The following ARFGEF3 variants were observed in gnomAD, a reference collection of about 807,000 sequenced individuals.
ARFGEF3 encodes brefeldin A-inhibited guanine nucleotide-exchange protein 3.
In ARFGEF3, 96 loss-of-function variants were observed where a neutral mutation model predicts 221.7. The observed-to-expected ratio is 0.43, with a 90% confidence interval of 0.37 to 0.51. The LOEUF is 0.51. Ranked by LOEUF, ARFGEF3 falls within the 20% of genes least tolerant of loss-of-function variation. ARFGEF3 has a pLI of 0.00. For missense variants in ARFGEF3, 2,410 were observed against 2,789.9 expected, an observed-to-expected ratio of 0.86 and a Z score of 3.07; for synonymous variants, 1,145 against 1,126.8, an observed-to-expected ratio of 1.02 and a Z score of -0.32.
intron 6 of ARFGEF3, among the ~76,000 whole-genome samples, chr6:138,242,519 GTC>G (rs1289220154): frequency 6.6e-6 from 1 of 152,166 alleles, no homozygotes; most frequent in Non-Finnish European, 1.5e-5. Flanking sequence ...ATGGCCAAGA[GTC>G]TGTGTTTATT....
chr6:138,206,343 CT>C (rs542624433), intron 2 of ARFGEF3, among the ~76,000 whole-genome samples: 5,082 of 134,922 alleles, frequency 0.038, 171 homozygotes, highest in African/African-American at 0.12. Context: ...AATATCTCTC[CT>C]TTTTTTTTTT....
At chr6:138,187,838 A>G (rs1262891920) in intron 2 of ARFGEF3, among the ~76,000 whole-genome samples, 1 of 152,192 alleles carries the variant, frequency 6.6e-6, no homozygotes, top group East Asian at 1.9e-4. Flanking sequence ...CCTACTAAAA[A>G]GGCATCGGGT....
intron 8 of ARFGEF3, among the ~76,000 whole-genome samples, chr6:138,249,643 G>A (rs1158392838): frequency 6.6e-6 from 1 of 152,196 alleles, no homozygotes; most frequent in Non-Finnish European, 1.5e-5. Context: ...TTTAAATGGA[G>A]AAAAGAATTC....
chr6:138,300,965 G>A (rs1032003043), intron 22 of ARFGEF3, among the ~76,000 whole-genome samples: 2 of 152,090 alleles, frequency 1.3e-5, no homozygotes, highest in African/African-American at 2.4e-5. Context: ...CAGGTGCAAC[G>A]TTTGCATTCA....
intron 11 of ARFGEF3, among the ~76,000 whole-genome samples, chr6:138,262,274 C>T (rs1230023584): frequency 6.6e-6 from 1 of 150,714 alleles, no homozygotes; most frequent in Non-Finnish European, 1.5e-5. Context: ...ACTGCAACCT[C>T]TGCCTTCCAG....
chr6:138,323,948 A>G, intron 30 of ARFGEF3, 75 bp from the exon 31 acceptor site: 1 of 1,580,536 alleles, frequency 6.3e-7, no homozygotes. Context: ...AGACACAGTG[A>G]CGATCTCAGA....
At chr6:138,317,900 G>A (rs1487819878) in intron 27 of ARFGEF3, among the ~76,000 whole-genome samples, 1 of 152,128 alleles carries the variant, frequency 6.6e-6, no homozygotes, top group Non-Finnish European at 1.5e-5. Context: ...CTAGTACAAG[G>A]ACCCTGAGAG....
chr6:138,249,475 A>G (rs1778542052), intron 8 of ARFGEF3, among the ~76,000 whole-genome samples: 1 of 152,112 alleles, frequency 6.6e-6, no homozygotes, highest in Non-Finnish European at 1.5e-5. Flanking sequence ...GACTACAGGC[A>G]TGCGCCACCA....
In ARFGEF3 at chr6:138,263,423, GC is replaced by G. The variant is rs747424676; in HGVS notation, c.1942del (p.Leu648Ter). 1 of 1,613,866 alleles carries G rather than the reference GC, an allele frequency of 6.2e-7. No individual in the cohort carries two copies. The highest frequency in any genetic ancestry group is 1.3e-5 in the African/African-American group (1 of 74,930). On this transcript the variant is annotated frameshift_variant, in exon 12 of 34. Transcript: ENST00000251691. LOFTEE classifies it high-confidence loss of function. Reference sequence around the variant, plus strand: ...GATGAAGAGCAGACACCCCGGGACTGCCTAGGCCACCGGTCCCTGCGAACTG... The same window carrying G: ...GATGAAGAGCAGACACCCCGGGACTGCTAGGCCACCGGTCCCTGCGAACTG... ...LADEEQTPRD[C>X]LGHRSLRTAA... is the part of the protein sequence containing the mutation.
At chr6:138,200,360 T>G (rs929758118) in intron 2 of ARFGEF3, among the ~76,000 whole-genome samples, 1 of 152,122 alleles carries the variant, frequency 6.6e-6, no homozygotes, top group African/African-American at 2.4e-5. Flanking sequence ...AGAGCCCGCA[T>G]AGCCAAAGCA....
At chr6:138,259,435 C>T (rs979565966) in intron 10 of ARFGEF3, among the ~76,000 whole-genome samples, 2 of 152,176 alleles carry the variant, frequency 1.3e-5, no homozygotes, top group Non-Finnish European at 2.9e-5. Context: ...GCTTCCTTTT[C>T]TCTCCTATGG....
chr6:138,200,963 TCAAA>T (rs1415429252), intron 2 of ARFGEF3, among the ~76,000 whole-genome samples: 1 of 151,882 alleles, frequency 6.6e-6, no homozygotes, highest in African/African-American at 2.4e-5. Flanking sequence ...TACAATGAAC[TCAAA>T]CAAATCAGTA....
intron 26 of ARFGEF3, among the ~76,000 whole-genome samples, chr6:138,316,539 A>C (rs576218195): frequency 6.6e-6 from 1 of 151,818 alleles, no homozygotes; most frequent in Non-Finnish European, 1.5e-5. Context: ...ATCTTGGATC[A>C]TGTATATCTT....
chr6:138,176,463 G>A (rs549917898), intron 2 of ARFGEF3, among the ~76,000 whole-genome samples: 36 of 152,326 alleles, frequency 2.4e-4, no homozygotes, highest in Non-Finnish European at 4.7e-4. Context: ...TTACAGGCCT[G>A]AGCCACTGCA....
At chr6:138,307,609 A>G (rs184158750) in intron 23 of ARFGEF3, among the ~76,000 whole-genome samples, 6 of 152,220 alleles carry the variant, frequency 3.9e-5, no homozygotes, top group African/African-American at 7.2e-5. Flanking sequence ...CTTGCTGACA[A>G]TTGGACAATA....
chr6:138,163,919 T>C (rs1263081114), intron 1 of ARFGEF3, among the ~76,000 whole-genome samples: 1 of 152,138 alleles, frequency 6.6e-6, no homozygotes, highest in African/African-American at 2.4e-5. Context: ...TGTCCATGGA[T>C]TGGGGGAGAA....
chr6:138,287,950 G>A (rs149316673), intron 17 of ARFGEF3, among the ~76,000 whole-genome samples: 3,143 of 151,954 alleles, frequency 0.021, 42 homozygotes, highest in Non-Finnish European at 0.034. Flanking sequence ...CAGATCCCCA[G>A]CGTTAACTGA....
At chr6:138,327,446 T>C (rs7768245) in intron 31 of ARFGEF3, among the ~76,000 whole-genome samples, 22,762 of 151,952 alleles carry the variant, frequency 0.15, 2,953 homozygotes, top group African/African-American at 0.36. Flanking sequence ...GAGACCCTGT[T>C]TCAAAAAATA....
chr6:138,278,105 A>G (rs9494990), intron 12 of ARFGEF3, among the ~76,000 whole-genome samples: 21,624 of 152,188 alleles, frequency 0.14, 2,973 homozygotes, highest in African/African-American at 0.37. Context: ...ACATTGTGAT[A>G]GGGAGCCACC....
Sources: allele counts gnomAD v4.1 joint callset (sites outside exome capture counted in the v4.1 genomes callset), GRCh38; gene constraint gnomAD v4.1.1; transcripts MANE v1.5; gene names NCBI Gene and HGNC (gene_info 2026-07-23, HGNC 2026-07-21).